The following ABCB5 variants were observed in gnomAD, a reference collection of about 807,000 sequenced individuals.
ABCB5 encodes the protein ATP-binding cassette sub-family B member 5.
Under a neutral mutation model 144.2 loss-of-function variants are expected in ABCB5, and 155 were observed. That is an observed-to-expected ratio of 1.08 (90% CI 0.94 to 1.23). The LOEUF (loss-of-function observed/expected upper bound fraction) is 1.23. ABCB5 is among the 50% of genes most tolerant of loss of function. The pLI is 0.00. For missense variants in ABCB5, 1,830 were observed against 1,520.8 expected (o/e 1.20, Z -3.38); for synonymous variants, 610 against 528.6 (o/e 1.15, Z -2.11).
At chr7:20,674,575 C>T (rs1449259659) in intron 14 of ABCB5, among the ~76,000 whole-genome samples, 1 of 151,576 alleles carries the variant, frequency 6.6e-6, no homozygotes, top group Non-Finnish European at 1.5e-5. Context: ...ATATAAGCCT[C>T]ATGGTATACA....
chr7:20,734,084 CATA>C (rs1487707573), intron 23 of ABCB5, among the ~76,000 whole-genome samples: 1 of 152,134 alleles, frequency 6.6e-6, no homozygotes, highest in African/African-American at 2.4e-5. Flanking sequence ...TAGCACTATG[CATA>C]ATGTCAATAG....
chr7:20,643,138 T>C, intron 5 of ABCB5, 46 bp from the exon 6 acceptor site: 1 of 1,498,282 alleles, frequency 6.7e-7, no homozygotes, highest in Non-Finnish European at 9.1e-7. Context: ...TGTAACAAGA[T>C]AAAAATGTTG....
chr7:20,688,739 A>G (rs1244944057), intron 16 of ABCB5, among the ~76,000 whole-genome samples: 4 of 152,220 alleles, frequency 2.6e-5, no homozygotes, highest in Admixed American at 1.3e-4. Context: ...TCAATGATAG[A>G]CTGGATTAAG....
chr7:20,686,156 T>C (rs887172763), intron 16 of ABCB5, among the ~76,000 whole-genome samples: 4 of 152,198 alleles, frequency 2.6e-5, no homozygotes, highest in Non-Finnish European at 4.4e-5. Context: ...CCAATGGTGA[T>C]GCTCAAGATT....
chr7:20,739,025 AACGC>A lies in ABCB5; in HGVS notation c.2911_2914del (p.Thr971SerfsTer27), dbSNP rs1782477651. 1 of 1,611,980 alleles carries A rather than the reference AACGC, an allele frequency of 6.2e-7. No homozygotes were observed. The highest frequency in any genetic ancestry group is 8.5e-7 in the Non-Finnish European group (1 of 1,179,170). On this transcript the variant is annotated frameshift_variant, in exon 24 of 28. Coordinates refer to ENST00000404938, the MANE Select transcript of ABCB5 (RefSeq NM_001163941.2). LOFTEE classifies it high-confidence loss of function. ...CATATGGAGCTATGGCCATCGGAGA[AACGC>A]TCGTTTTGGCTCCTGAATATTCCAA...
At chr7:20,709,486 T>G (rs1786940066) in intron 20 of ABCB5, among the ~76,000 whole-genome samples, 1 of 150,002 alleles carries the variant, frequency 6.7e-6, no homozygotes, top group Non-Finnish European at 1.5e-5. Context: ...TGGCATCTAA[T>G]TTGAATACAA....
At chr7:20,733,182 CATT>C (rs374670890) in intron 23 of ABCB5, among the ~76,000 whole-genome samples, 68 of 151,078 alleles carry the variant, frequency 4.5e-4, no homozygotes, top group Middle Eastern at 3.4e-3. Flanking sequence ...ACTCAACGTA[CATT>C]ATTATTATTA....
intron 20 of ABCB5, among the ~76,000 whole-genome samples, chr7:20,711,790 T>TTCTCTCTCTCTC (rs1334192971): frequency 0.039 from 1,783 of 45,298 alleles, 427 homozygotes; most frequent in African/African-American, 0.081. Flanking sequence ...CTTTCTTTCT[T>TTCTCTCTCTCTC]TCTTTCTTTC....
At chr7:20,634,935 T>C (rs1262896436) in intron 5 of ABCB5, among the ~76,000 whole-genome samples, 1 of 152,152 alleles carries the variant, frequency 6.6e-6, no homozygotes, top group Non-Finnish European at 1.5e-5. Flanking sequence ...TTTTCGGTTT[T>C]GTTGCATTTG....
rs181698474 is a variant in ABCB5, at chr7:20,674,923, T to C, written c.1708-6582T>C. ...CCCATTTGCAACAGTATCAAAAGAA[T>C]AAAATACTTAGAAATAAACTTAAGA... On this transcript the variant is annotated intron_variant, in intron 14 of 27. Transcript: ENST00000404938. Among the ~76,000 whole-genome samples, 12 of 151,912 alleles carry C rather than the reference T, an allele frequency of 7.9e-5. 1 individual carries two copies. In the East Asian group the frequency reaches 2.1e-3, roughly 27 times the overall value.
chr7:20,647,709 C>T (rs75784515), intron 10 of ABCB5, 61 bp downstream of exon 10: 295,668 of 1,526,360 alleles, frequency 0.19, 31,066 homozygotes, highest in South Asian at 0.21. Flanking sequence ...GACAAAAAAA[C>T]ATACACCCTC....
intron 12 of ABCB5, among the ~76,000 whole-genome samples, chr7:20,651,144 A>C (rs902783526): frequency 1.3e-5 from 2 of 152,234 alleles, no homozygotes; most frequent in Non-Finnish European, 2.9e-5. Flanking sequence ...TAGAGTATGT[A>C]TCTTTATAAT....
chr7:20,728,401 G>C lies in ABCB5; in HGVS notation c.2813G>C (p.Arg938Pro). 1.2e-6 allele frequency: 2 copies of C among 1,614,162 alleles called. No homozygotes were observed. The highest frequency in any genetic ancestry group is 1.1e-5 in the South Asian group (1 of 91,082). ...TATTTTGCCTATGCGGCAGGGTTTC[G>C]ATTTGGAGCCTATTTAATTCAAGCT... ...FIYFAYAAGF[R>P]FGAYLIQAGR... is the part of the protein sequence containing the mutation. The change falls in exon 23 of 28, where the codon CGA becomes CCA. Residue 938 changes from arginine to proline, a missense_variant. Arg to Pro is a moderately radical substitution (Grantham distance 103). Transcript: ENST00000404938.
intron 3 of ABCB5, among the ~76,000 whole-genome samples, chr7:20,626,895 C>T (rs1253566956): frequency 2.3e-5 from 3 of 129,984 alleles, no homozygotes; most frequent in Non-Finnish European, 3.3e-5. Flanking sequence ...GTGTGTGTAT[C>T]ATACATAAAT....
At chr7:20,668,580 G>C (rs1451660002) in intron 14 of ABCB5, among the ~76,000 whole-genome samples, 1 of 147,864 alleles carries the variant, frequency 6.8e-6, no homozygotes, top group Non-Finnish European at 1.5e-5. Flanking sequence ...CACCCCGTCC[G>C]GGAGGGAGGT....
intron 20 of ABCB5, among the ~76,000 whole-genome samples, chr7:20,705,852 G>A (rs988606631): frequency 2.6e-5 from 4 of 151,130 alleles, no homozygotes; most frequent in Non-Finnish European, 4.4e-5. Flanking sequence ...AATATACATC[G>A]GCAAGATCGG....
chr7:20,663,347 GTC>G (rs1785065767), intron 14 of ABCB5, among the ~76,000 whole-genome samples: 1 of 152,136 alleles, frequency 6.6e-6, no homozygotes, highest in Non-Finnish European at 1.5e-5. Flanking sequence ...CAATCCAAAT[GTC>G]TGTTTACAGA....
At chr7:20,654,593 G>T (rs2128027779) in intron 13 of ABCB5, among the ~76,000 whole-genome samples, 1 of 152,162 alleles carries the variant, frequency 6.6e-6, no homozygotes, top group East Asian at 1.9e-4. Flanking sequence ...AATATTCTGG[G>T]CCATCAAAAC....
At chr7:20,680,129 A>G (rs1010427666) in intron 14 of ABCB5, among the ~76,000 whole-genome samples, 3 of 152,230 alleles carry the variant, frequency 2.0e-5, no homozygotes, top group African/African-American at 7.2e-5. Flanking sequence ...TCTCAAAAAC[A>G]TAATGTTGAG....
Sources: gnomAD v4.1 joint callset for allele counts (sites outside exome capture counted in the v4.1 genomes callset) on GRCh38, gnomAD v4.1.1 for gene constraint, MANE v1.5 for transcripts, NCBI Gene and HGNC (gene_info 2026-07-23, HGNC 2026-07-21) for gene names.